The following FBXO24 variants were observed in gnomAD, a reference collection of about 807,000 sequenced individuals.
FBXO24 encodes F-box protein 24, also known as F-box only protein 24.
Under a neutral mutation model 63.5 loss-of-function variants are expected in FBXO24, and 30 were observed. The ratio of observed to expected loss-of-function variants is 0.47; its 90% confidence interval spans 0.35 to 0.64. FBXO24 has a LOEUF of 0.64. FBXO24 is among the 30% of genes least tolerant of loss of function. FBXO24 has a pLI of 0.00. For missense variants in FBXO24, 624 were observed against 763.4 expected, an observed-to-expected ratio of 0.82 and a Z score of 2.15; for synonymous variants, 300 against 305.0, an observed-to-expected ratio of 0.98 and a Z score of 0.17.
chr7:100,587,700 A>C (rs1272177899), intron 1 of FBXO24, among the ~76,000 whole-genome samples: 1 of 149,276 alleles, frequency 6.7e-6, no homozygotes, highest in African/African-American at 2.5e-5. Flanking sequence ...CCTGGGCTCA[A>C]GTGATCCTCC....
chr7:100,595,130 T>C lies in FBXO24; in HGVS notation c.981T>C (p.His327=), dbSNP rs531438061. The C allele has an allele frequency of 4.3e-6, 7 of 1,613,936 alleles. No homozygotes were observed. In the East Asian group the frequency reaches 1.6e-4, roughly 36 times the overall value. The change falls in exon 7 of 10, where the codon CAT becomes CAC. Residue 327 remains histidine, a synonymous_variant. Coordinates refer to ENST00000241071, the MANE Select transcript of FBXO24 (RefSeq NM_033506.3). ...TDQGGVYFEV[H]TPGVYRDLFG... is the part of the protein sequence containing the mutation. ...AGGGGGGAGTGTATTTTGAGGTGCA[T>C]ACCCCAGGGGTGTATCGCGATCTCT...
rs1562812824 is a variant in FBXO24 at position 100,586,594 on chromosome 7, TTCTCTGAGGGACGGC to T, written c.-28_-14del. The T allele has an allele frequency of 1.2e-6, 2 of 1,613,892 alleles. No homozygotes were observed. The highest frequency in any genetic ancestry group is 1.7e-5 in the Admixed American group (1 of 60,024). On this transcript the variant is annotated 5_prime_UTR_variant, in exon 1 of 10. Coordinates refer to ENST00000241071, the MANE Select transcript of FBXO24 (RefSeq NM_033506.3). ...TCCGAAGGGAATCTGGACCTGCCTC[TTCTCTGAGGGACGGC>T]TCTACCTACCAATAGCATGGGCGAG... is the stretch of plus-strand genomic sequence containing the variant.
rs766429339 is a variant in FBXO24 at position 100,591,798 on chromosome 7, G to A, written c.454G>A (p.Val152Met). The stretch of plus-strand genomic sequence containing the variant: ...GGATCACGTCTTCATTCTTGACTAC[G>A]TGGGGACCCTCTTCTTCCTCAAAAA... ...TKDHVFILDYVGTLFFLKNAL... is the reference protein window; with the variant it reads ...TKDHVFILDYMGTLFFLKNAL... Residue 152 changes from valine (V) to methionine (M), a missense_variant, in exon 4 of 10, where the codon GTG (valine) becomes ATG (methionine). Transcript: ENST00000241071. 7.4e-6 allele frequency: 12 copies of A among 1,614,108 alleles called. No homozygotes were observed. In the East Asian group the frequency reaches 8.9e-5, roughly 12 times the overall value.
intron 1 of FBXO24, chr7:100,589,394 T>C: frequency 8.4e-7 from 1 of 1,187,642 alleles, no homozygotes; most frequent in African/African-American, 1.6e-5. Flanking sequence ...GAAATAAAGA[T>C]GTCACCTACC....
At position 100,600,852 on chromosome 7, in the gene FBXO24, G is replaced by A; in HGVS notation, c.1696G>A (p.Ala566Thr). ...FWEALDMLQR[A>T]EGGGGGVGPP... The stretch of plus-strand genomic sequence containing the variant: ...GGAGGCCCTGGACATGCTGCAGAGG[G>A]CTGAAGGAGGCGGGGGTGGTGTAGG... Residue 566 changes from alanine (A) to threonine (T), a missense_variant, in exon 10 of 10, where the codon GCT becomes ACT. Ala to Thr is a moderately conservative substitution (Grantham distance 58). Around this residue, in one of 3 missense-constraint regions of FBXO24, gnomAD observed 216 missense variants for 245.2 expected, o/e 0.88. Transcript: ENST00000241071. The surrounding 1 kb of genome is among the most constrained non-coding windows in gnomAD (Gnocchi z 6.3). 1 of 1,613,948 alleles carries A rather than the reference G, an allele frequency of 6.2e-7. No homozygotes were observed. Among genetic ancestry groups the A allele is most frequent in the Non-Finnish European group, 8.5e-7 (1 of 1,179,926 alleles).
chr7:100,591,791 T>G lies in FBXO24; in HGVS notation c.447T>G (p.Leu149=). Residue 149 remains leucine (L), a synonymous_variant, in exon 4 of 10, where the codon CTT becomes CTG. Transcript: ENST00000241071. ...CCACCAAGGATCACGTCTTCATTCT[T>G]GACTACGTGGGGACCCTCTTCTTCC... The part of the protein sequence containing the change: ...FLPTKDHVFI[L]DYVGTLFFLK... 1.9e-6 allele frequency: 3 copies of G among 1,614,240 alleles called. No homozygotes were observed. Among genetic ancestry groups the G allele is most frequent in the Non-Finnish European group, 2.5e-6 (3 of 1,180,036 alleles).
chr7:100,593,797 C>CAAA (rs900435798), intron 5 of FBXO24, among the ~76,000 whole-genome samples: 1 of 56,584 alleles, frequency 1.8e-5, no homozygotes, highest in Admixed American at 2.0e-4. Context: ...ACTCCATCTC[C>CAAA]AAAAAAAAAA....
chr7:100,594,295 T>C lies in FBXO24; in HGVS notation c.794-88T>C. On this transcript the variant is annotated intron_variant, in intron 5 of 9. Transcript: ENST00000241071. The surrounding 1 kb of genome is among the most constrained non-coding windows in gnomAD (Gnocchi z 4.2). ...GCCCCACTCTAGGGCAGTAAATGTGTCACCCATATGGCCTAGGGAGTCTCT... is the reference window on the plus strand; with the variant it reads ...GCCCCACTCTAGGGCAGTAAATGTGCCACCCATATGGCCTAGGGAGTCTCT... 1 of 1,445,018 alleles carries C rather than the reference T, an allele frequency of 6.9e-7. No individual in the cohort carries two copies. Among genetic ancestry groups the C allele is most frequent in the Non-Finnish European group, 9.4e-7 (1 of 1,063,180 alleles). 89.5% of individuals were successfully genotyped at this position (1,445,018 alleles called of 1,614,324 possible). A position where few individuals can be genotyped will look rare whatever the true frequency, so the allele number is the denominator to read the frequency against.
At position 100,600,670 on chromosome 7, in the gene FBXO24, G is replaced by A. The variant is rs1476750266; in HGVS notation, c.1514G>A (p.Gly505Glu). ...RVVGTPEPSL[G>E]ARAPQDPGGM... is the part of the protein sequence containing the mutation. ...GTGGGGACTCCTGAGCCCAGCCTGG[G>A]GGCCAGAGCACCCCAGGACCCCGGG... Residue 505 changes from glycine to glutamate, a missense_variant, in exon 10 of 10, where the codon GGG (glycine) becomes GAG (glutamate). Gly to Glu is a moderately conservative substitution (Grantham distance 98). Around this residue, in one of 3 missense-constraint regions of FBXO24, gnomAD observed 216 missense variants for 245.2 expected, o/e 0.88. Transcript: ENST00000241071. The surrounding 1 kb of genome is among the most constrained non-coding windows in gnomAD (Gnocchi z 6.3). 6.2e-7 allele frequency: 1 copy of A among 1,613,946 alleles called. No individual in the cohort carries two copies. Among genetic ancestry groups the A allele is most frequent in the African/African-American group, 1.3e-5 (1 of 74,918 alleles).
rs374826348 is a variant in FBXO24, at chr7:100,590,357, T to G, written c.322T>G (p.Tyr108Asp). 26 of 1,607,558 alleles carry G rather than the reference T, an allele frequency of 1.6e-5. No homozygotes were observed. The East Asian group carries it at 3.8e-4, about 23-fold the overall frequency. The change falls in exon 3 of 10, where the codon TAC (tyrosine) becomes GAC (aspartate). Residue 108 changes from tyrosine to aspartate, a missense_variant and splice_region_variant. Tyr to Asp is a radical substitution (Grantham distance 160). This residue lies in a region of FBXO24 where 391 missense variants were observed against 469.1 expected (regional missense o/e 0.83). Coordinates refer to ENST00000241071, the MANE Select transcript of FBXO24 (RefSeq NM_033506.3). ...RPWKRAAILN[Y>D]TKGLYFQAFG... ...CTGGAAGAGAGCTGCCATTCTGAAC[T>G]GTACACCTTCCCCAGAACCTCCCGT... is the stretch of plus-strand genomic sequence containing the variant.
At chr7:100,591,967 A>T (rs1297252662) in intron 4 of FBXO24, 65 bp downstream of exon 4, 3 of 1,516,012 alleles carry the variant, frequency 2.0e-6, no homozygotes. Flanking sequence ...ACTGCTATAA[A>T]GACGTACCAG....
chr7:100,592,716 T>C, intron 4 of FBXO24, 67 bp from the exon 5 acceptor site: 3 of 1,273,764 alleles, frequency 2.4e-6, no homozygotes, highest in Non-Finnish European at 3.4e-6. Flanking sequence ...CACCCCAGGA[T>C]CCAGCTGCCC....
intron 8 of FBXO24, among the ~76,000 whole-genome samples, chr7:100,598,646 G>C (rs778058330): frequency 2.0e-5 from 3 of 152,170 alleles, no homozygotes; most frequent in East Asian, 1.9e-4. Context: ...TCAAAAACAG[G>C]GTGGCCATTT....
chr7:100,596,099 G>A (rs1428531662), intron 8 of FBXO24, among the ~76,000 whole-genome samples: 1 of 152,152 alleles, frequency 6.6e-6, no homozygotes, highest in Non-Finnish European at 1.5e-5. Context: ...GCAACATGGT[G>A]AAACCCCGTC....
rs542427430 is a variant in FBXO24, at chr7:100,594,982, T to C, written c.953-120T>C. 53 of 1,330,908 alleles carry C rather than the reference T, an allele frequency of 4.0e-5. No individual in the cohort carries two copies. In the East Asian group the frequency reaches 1.2e-3, roughly 30 times the overall value. 82.4% of individuals were successfully genotyped at this position (1,330,908 alleles called of 1,614,324 possible). Reference sequence around the variant, plus strand: ...TGTTTTCAGTTCCCAGGCATCATAGTTGATGCATTCCTAGTGGGTATGAGA... The same window carrying C: ...TGTTTTCAGTTCCCAGGCATCATAGCTGATGCATTCCTAGTGGGTATGAGA... On this transcript the variant is annotated intron_variant, in intron 6 of 9. Transcript: ENST00000241071. This position sits in a 1 kb window ranked among gnomAD's most constrained non-coding sequence, Gnocchi z 4.2.
chr7:100,587,306 A>T (rs1047992729), intron 1 of FBXO24, among the ~76,000 whole-genome samples: 1 of 148,566 alleles, frequency 6.7e-6, no homozygotes, highest in African/African-American at 2.5e-5. Context: ...TCCTCTTTTT[A>T]TTTTTTTATT....
chr7:100,589,579 C>T, intron 1 of FBXO24: 1 of 1,437,854 alleles, frequency 7.0e-7, no homozygotes, highest in Non-Finnish European at 9.2e-7. Context: ...CCCCAGACTC[C>T]ATGGGGGAGG....
At chr7:100,592,426 G>A (rs1358784910) in intron 4 of FBXO24, 2 of 294,786 alleles carry the variant, frequency 6.8e-6, no homozygotes, top group South Asian at 7.3e-5. Flanking sequence ...CAAGAGCAGG[G>A]AAAACTGCCT....
At position 100,591,702 on chromosome 7, in the gene FBXO24, C is replaced by A. The variant is rs199618909; in HGVS notation, c.358C>A (p.Arg120Ser). 1 of 1,614,048 alleles carries A rather than the reference C, an allele frequency of 6.2e-7. No individual in the cohort carries two copies. The highest frequency in any genetic ancestry group is 1.3e-5 in the African/African-American group (1 of 74,922). ...KGLYFQAFGG[R>S]RRCLSKSVAP... ...CCTGTATTTCCAGGCATTTGGAGGC[C>A]GCCGCCGATGTCTCAGCAAGAGCGT... The change falls in exon 4 of 10, where the codon CGC becomes AGC. Residue 120 changes from arginine to serine, a missense_variant. Arg to Ser is a moderately radical substitution (Grantham distance 110, BLOSUM62 -1). Coordinates refer to ENST00000241071, the MANE Select transcript of FBXO24 (RefSeq NM_033506.3).
Sources: gnomAD v4.1 joint callset for allele counts (sites outside exome capture counted in the v4.1 genomes callset) on GRCh38, gnomAD v4.1.1 for gene constraint, gnomAD v4.1.1 regional missense constraint, Gnocchi (gnomAD v3.1) non-coding constraint, MANE v1.5 for transcripts, NCBI Gene and HGNC (gene_info 2026-07-23, HGNC 2026-07-21) for gene names.